Variants in PARS2 observed in about 807,000 individuals in gnomAD.
PARS2 encodes probable proline--tRNA ligase, mitochondrial.
PARS2 carries 20 observed loss-of-function variants against 27.4 expected under a neutral mutation model. That is an observed-to-expected ratio of 0.73 (90% CI 0.51 to 1.06). The LOEUF (loss-of-function observed/expected upper bound fraction) is 1.06. Ranked by LOEUF, PARS2 falls within the 50% of genes least tolerant of loss-of-function variation. The pLI is 0.00. For synonymous variants in PARS2, 240 were observed against 247.1 expected, an observed-to-expected ratio of 0.97 and a Z score of 0.27; for missense variants, 585 against 602.1, an observed-to-expected ratio of 0.97 and a Z score of 0.30.
At position 54,758,767 on chromosome 1, in the gene PARS2, T is replaced by A; in HGVS notation, c.395A>T (p.Asn132Ile). 6.2e-7 allele frequency: 1 copy of A among 1,614,140 alleles called. No individual in the cohort carries two copies. Among genetic ancestry groups the A allele is most frequent in the Admixed American group, 1.7e-5 (1 of 60,028 alleles). ...CTCTTTGCCCATCAAGTCCCACCGG[T>A]TGGTGGCTTGCCAGAGCTCTGCCGG... ...LSPAELWQAT[N>I]RWDLMGKELL... Residue 132 changes from asparagine (N) to isoleucine (I), a missense_variant, in exon 2 of 2, where the codon AAC (asparagine) becomes ATC (isoleucine). By Grantham distance (149) the Asn-to-Ile change is moderately radical. Coordinates refer to ENST00000371279, the MANE Select transcript of PARS2 (RefSeq NM_152268.4).
Position 54,757,953 on chromosome 1 carries a change from C to A in PARS2, c.1209G>T (p.Gln403His). The change falls in exon 2 of 2, where the codon CAG becomes CAT. Residue 403 changes from glutamine to histidine, a missense_variant. By Grantham distance (24) the Gln-to-His change is conservative. Transcript: ENST00000371279. The stretch of plus-strand genomic sequence containing the variant: ...CGTCCAGGAGCACCTCCCCGTGAAG[C>A]TGAGGCACTGCCTCTGTGATGTGGT... ...LYDHITEAVP[Q>H]LHGEVLLDDR... 6.2e-7 allele frequency: 1 copy of A among 1,614,152 alleles called. No homozygotes were observed. Among genetic ancestry groups the A allele is most frequent in the Non-Finnish European group, 8.5e-7 (1 of 1,180,010 alleles).
chr1:54,762,040 C>T (rs1646160339), intron 1 of PARS2, among the ~76,000 whole-genome samples: 1 of 152,176 alleles, frequency 6.6e-6, no homozygotes, highest in Non-Finnish European at 1.5e-5. Flanking sequence ...GCCCTTACTG[C>T]CTCAACATTA....
Position 54,757,973 on chromosome 1 carries a change from T to A in PARS2, c.1189A>T (p.Ile397Phe). ...SELIGQLYDHITEAVPQLHGE... is the reference protein window; with the variant it reads ...SELIGQLYDHFTEAVPQLHGE... ...TGAAGCTGAGGCACTGCCTCTGTGATGTGGTCGTACAGCTGCCCTATGAGC... is the reference window on the plus strand; with the variant it reads ...TGAAGCTGAGGCACTGCCTCTGTGAAGTGGTCGTACAGCTGCCCTATGAGC... The change falls in exon 2 of 2, where the codon ATC becomes TTC. Residue 397 changes from isoleucine (I) to phenylalanine (F), a missense_variant. Coordinates refer to ENST00000371279, the MANE Select transcript of PARS2 (RefSeq NM_152268.4). The A allele has an allele frequency of 6.2e-7, 1 of 1,614,164 alleles. No homozygotes were observed. Among genetic ancestry groups the A allele is most frequent in the Non-Finnish European group, 8.5e-7 (1 of 1,180,006 alleles).
rs1255585571 is a variant in PARS2, at chr1:54,759,011, G to A, written c.151C>T (p.Leu51Phe). ...AGGGAGAGCACCCGGTCTTCCCGAA[G>A]GTTCTGTGGCTGGAACACACGAGAC... ...LLSRVFQPQN[L>F]REDRVLSLQD... The change falls in exon 2 of 2, where the codon CTT becomes TTT. Residue 51 changes from leucine (L) to phenylalanine (F), a missense_variant. Leu to Phe is a conservative substitution (Grantham distance 22). Transcript: ENST00000371279. 6.2e-7 allele frequency: 1 copy of A among 1,614,168 alleles called. No individual in the cohort carries two copies. The highest frequency in any genetic ancestry group is 1.3e-5 in the African/African-American group (1 of 75,046).
chr1:54,759,441 T>C (rs1646141895), intron 1 of PARS2, among the ~76,000 whole-genome samples: 1 of 152,206 alleles, frequency 6.6e-6, no homozygotes. Context: ...CGTCATGTAG[T>C]GAGTGCACAG....
rs116243667 is a variant in PARS2, at chr1:54,759,007, C to G, written c.155G>C (p.Arg52Pro). 6.2e-7 allele frequency: 1 copy of G among 1,614,042 alleles called. No individual in the cohort carries two copies. The highest frequency in any genetic ancestry group is 8.5e-7 in the Non-Finnish European group (1 of 1,180,026). The stretch of plus-strand genomic sequence containing the variant: ...CTGCAGGGAGAGCACCCGGTCTTCC[C>G]GAAGGTTCTGTGGCTGGAACACACG... ...LSRVFQPQNL[R>P]EDRVLSLQDK... The change falls in exon 2 of 2, where the codon CGG (arginine) becomes CCG (proline). Residue 52 changes from arginine (R) to proline (P), a missense_variant. Physicochemically the swap from Arg to Pro is moderately radical, Grantham distance 103. Transcript: ENST00000371279.
At chr1:54,760,233 C>T (rs1646148166) in intron 1 of PARS2, among the ~76,000 whole-genome samples, 1 of 152,166 alleles carries the variant, frequency 6.6e-6, no homozygotes, top group Non-Finnish European at 1.5e-5. Context: ...CTCCACCTGC[C>T]TCCTGGAGAA....
At position 54,758,697 on chromosome 1, in the gene PARS2, T is replaced by G; in HGVS notation, c.465A>C (p.Gly155=). 1 of 1,614,188 alleles carries G rather than the reference T, an allele frequency of 6.2e-7. No individual in the cohort carries two copies. Among genetic ancestry groups the G allele is most frequent in the Non-Finnish European group, 8.5e-7 (1 of 1,180,026 alleles). Residue 155 remains glycine (G), a synonymous_variant, in exon 2 of 2, where the codon GGA becomes GGC. Coordinates refer to ENST00000371279, the MANE Select transcript of PARS2 (RefSeq NM_152268.4). ...RDRHGKEYCL[G]PTHEEAITAL... is the part of the protein sequence containing the mutation. ...CCGTAATGGCTTCCTCGTGAGTTGG[T>G]CCTAAGCAGTATTCCTTGCCATGCC...
chr1:54,758,861 G>A lies in PARS2; in HGVS notation c.301C>T (p.Leu101Phe). 6.2e-7 allele frequency: 1 copy of A among 1,614,234 alleles called. No individual in the cohort carries two copies. The highest frequency in any genetic ancestry group is 1.1e-5 in the South Asian group (1 of 91,088). Residue 101 changes from leucine (L) to phenylalanine (F), a missense_variant, in exon 2 of 2, where the codon CTC (leucine) becomes TTC (phenylalanine). Coordinates refer to ENST00000371279, the MANE Select transcript of PARS2 (RefSeq NM_152268.4). ...ATCTCCTGGTCTATCACTCGCACGAGCTTCTCCATGGCACGGACGGTATAT... is the reference window on the plus strand; with the variant it reads ...ATCTCCTGGTCTATCACTCGCACGAACTTCTCCATGGCACGGACGGTATAT... ...LPYTVRAMEK[L>F]VRVIDQEMQA... is the part of the protein sequence containing the mutation.
intron 1 of PARS2, among the ~76,000 whole-genome samples, chr1:54,764,092 A>G (rs1646172195): frequency 6.6e-6 from 1 of 152,070 alleles, no homozygotes; most frequent in Non-Finnish European, 1.5e-5. Context: ...CTCGGCCTTC[A>G]CTCGCTCGGT....
At position 54,757,437 on chromosome 1, in the gene PARS2, C is replaced by T. The variant is rs77193688; in HGVS notation, c.*297G>A. 8.3e-4 allele frequency: 232 copies of T among 279,456 alleles called. No individual in the cohort carries two copies. The highest frequency in any genetic ancestry group is 1.4e-3 in the Non-Finnish European group (205 of 149,628). The allele number at this position is 279,456 out of a possible 1,614,324, so 17.3% of individuals were successfully genotyped here. On this transcript the variant is annotated 3_prime_UTR_variant, in exon 2 of 2. Coordinates refer to ENST00000371279, the MANE Select transcript of PARS2 (RefSeq NM_152268.4). ...AGTGACTTCCCCCCTCAGGGTAACA[C>T]CCAGGACTGGAGCTTGGATCTCCTG...
rs779136622 is a variant in PARS2 at position 54,758,143 on chromosome 1, T to A, written c.1019A>T (p.Tyr340Phe). The part of the protein sequence containing the change: ...GKPTLAEMGC[Y>F]GLGVTRILAA... ...CAAGATCCGTGTCACACCCAAGCCA[T>A]AGCACCCCATTTCAGCCAGGGTTGG... Residue 340 changes from tyrosine to phenylalanine, a missense_variant, in exon 2 of 2, where the codon TAT (tyrosine) becomes TTT (phenylalanine). Transcript: ENST00000371279. 1.9e-6 allele frequency: 3 copies of A among 1,614,198 alleles called. No homozygotes were observed. Among genetic ancestry groups the A allele is most frequent in the Non-Finnish European group, 2.5e-6 (3 of 1,180,032 alleles).
At position 54,758,250 on chromosome 1, in the gene PARS2, G is replaced by T; in HGVS notation, c.912C>A (p.Gly304=). 1 of 1,614,232 alleles carries T rather than the reference G, an allele frequency of 6.2e-7. No individual in the cohort carries two copies. The highest frequency in any genetic ancestry group is 1.1e-5 in the South Asian group (1 of 91,090). Residue 304 remains glycine, a synonymous_variant, in exon 2 of 2, where the codon GGC becomes GGA. Transcript: ENST00000371279. The part of the protein sequence containing the change: ...ACQGPLTKTK[G]IEVGHTFYLG... Reference sequence around the variant, plus strand: ...GGTAAAATGTGTGCCCCACCTCAATGCCTTTGGTTTTAGTCAATGGGCCCT... The same window carrying T: ...GGTAAAATGTGTGCCCCACCTCAATTCCTTTGGTTTTAGTCAATGGGCCCT...
intron 1 of PARS2, among the ~76,000 whole-genome samples, chr1:54,760,387 C>G (rs901965192): frequency 2.5e-4 from 38 of 152,348 alleles, no homozygotes; most frequent in Non-Finnish European, 3.2e-4. Flanking sequence ...TGGGGTTCGC[C>G]TGCTCTGCTC....
chr1:54,763,227 C>A (rs1176094510), intron 1 of PARS2, among the ~76,000 whole-genome samples: 2 of 152,314 alleles, frequency 1.3e-5, no homozygotes, highest in East Asian at 3.9e-4. Context: ...CTGCACACAC[C>A]TCTTTTTAGT....
chr1:54,758,423 C>T lies in PARS2; in HGVS notation c.739G>A (p.Asp247Asn), dbSNP rs760609265. ...ACTGTGCCCCCGATGGTGCCCACAT[C>T]GGCCTGGACCTTGACAAATGGCAGC... ...LGLPFVKVQADVGTIGGTVSH... is the reference protein window; with the variant it reads ...LGLPFVKVQANVGTIGGTVSH... The change falls in exon 2 of 2, where the codon GAT becomes AAT. Residue 247 changes from aspartate (D) to asparagine (N), a missense_variant. Coordinates refer to ENST00000371279, the MANE Select transcript of PARS2 (RefSeq NM_152268.4). 9.3e-6 allele frequency: 15 copies of T among 1,614,074 alleles called. No individual in the cohort carries two copies. Among genetic ancestry groups the T allele is most frequent in the African/African-American group, 4.0e-5 (3 of 74,932 alleles).
At chr1:54,763,855 C>T (rs2101414857) in intron 1 of PARS2, among the ~76,000 whole-genome samples, 1 of 152,272 alleles carries the variant, frequency 6.6e-6, no homozygotes, top group East Asian at 1.9e-4. Flanking sequence ...ACAACCGTAC[C>T]TGATACATAA....
intron 1 of PARS2, 145 bp from the exon 2 acceptor site, chr1:54,759,335 A>G: frequency 1.8e-6 from 1 of 565,146 alleles, no homozygotes; most frequent in South Asian, 2.5e-5. Flanking sequence ...ATCCTAGCAG[A>G]TCAAAGCACT....
rs2270004 is a variant in PARS2 at position 54,758,458 on chromosome 1, T to C, written c.704A>G (p.Asn235Ser). The change falls in exon 2 of 2, where the codon AAC (asparagine) becomes AGC (serine). Residue 235 changes from asparagine to serine, a missense_variant. Physicochemically the swap from Asn to Ser is conservative, Grantham distance 46. Transcript: ENST00000371279. ...CTTGACAAATGGCAGCCCTAGCTTG[T>C]TGAACAGGCTGCAGTAGGCATCACA... is the stretch of plus-strand genomic sequence containing the variant. ...LVCDAYCSLF[N>S]KLGLPFVKVQ... 250,263 of 1,613,830 alleles carry C rather than the reference T, an allele frequency of 0.16. 19,963 individuals carry two copies. The highest frequency in any genetic ancestry group is 0.19 in the South Asian group (17,380 of 91,078).
Sources: gnomAD v4.1 joint callset for allele counts (sites outside exome capture counted in the v4.1 genomes callset) on GRCh38, gnomAD v4.1.1 for gene constraint, MANE v1.5 for transcripts, NCBI Gene and HGNC (gene_info 2026-07-23, HGNC 2026-07-21) for gene names.